ADCY2: variants seen among roughly 807,000 people sequenced by gnomAD.
ADCY2 encodes the protein adenylate cyclase 2, also known as adenylate cyclase type 2.
In ADCY2, 31 loss-of-function variants were observed where a neutral mutation model predicts 125.2. The observed-to-expected ratio is 0.25, with a 90% CI of 0.19 to 0.33. ADCY2 has a LOEUF of 0.33. ADCY2 is among the 10% of genes least tolerant of loss of function. The pLI is 1.00. For missense variants in ADCY2, 904 were observed against 1,418.2 expected (o/e 0.64, Z 5.82); for synonymous variants, 512 against 548.4 (o/e 0.93, Z 0.93).
At chr5:7,738,093 G>A (rs767582334) in intron 14 of ADCY2, among the ~76,000 whole-genome samples, 1 of 152,160 alleles carries the variant, frequency 6.6e-6, no homozygotes, top group Non-Finnish European at 1.5e-5. Context: ...GGAAGGAATG[G>A]AAAGTATTGG....
intron 2 of ADCY2, among the ~76,000 whole-genome samples, chr5:7,471,364 A>G (rs1742329732): frequency 6.6e-6 from 1 of 150,942 alleles, no homozygotes; most frequent in African/African-American, 2.4e-5. Context: ...ATTATTTTTA[A>G]TGATTTAAAA....
At chr5:7,749,207 T>C (rs77733019) in intron 15 of ADCY2, among the ~76,000 whole-genome samples, 5,013 of 152,292 alleles carry the variant, frequency 0.033, 275 homozygotes, top group African/African-American at 0.11. Flanking sequence ...GTTTTTCAGC[T>C]GTTGGTCCCA....
chr5:7,722,025 T>G (rs969467315), intron 12 of ADCY2, among the ~76,000 whole-genome samples: 12 of 152,202 alleles, frequency 7.9e-5, no homozygotes, highest in African/African-American at 2.9e-4. Flanking sequence ...GAATATACAC[T>G]TCTTAATTCT....
intron 3 of ADCY2, among the ~76,000 whole-genome samples, chr5:7,568,455 C>G (rs1214624551): frequency 6.6e-6 from 1 of 151,190 alleles, no homozygotes; most frequent in East Asian, 2.0e-4. Context: ...AGTTATTTCT[C>G]TTGGGTCATG....
chr5:7,417,510 G>A (rs1344764046), intron 2 of ADCY2, among the ~76,000 whole-genome samples: 3 of 152,174 alleles, frequency 2.0e-5, no homozygotes, highest in Non-Finnish European at 4.4e-5. Context: ...CAGAGTGTAA[G>A]TGGCATCAGA....
chr5:7,620,327 C>T (rs1269712976), intron 3 of ADCY2, among the ~76,000 whole-genome samples: 1 of 152,162 alleles, frequency 6.6e-6, no homozygotes, highest in Non-Finnish European at 1.5e-5. Flanking sequence ...ATGTTTGGTT[C>T]CAGTCTTTTA....
chr5:7,764,162 A>G (rs1355223182), intron 16 of ADCY2, among the ~76,000 whole-genome samples: 1 of 152,248 alleles, frequency 6.6e-6, no homozygotes, highest in African/African-American at 2.4e-5. Flanking sequence ...CTTGATGTTT[A>G]TCCATGTGAT....
chr5:7,407,135 C>T (rs1739518146), intron 1 of ADCY2, among the ~76,000 whole-genome samples: 1 of 152,194 alleles, frequency 6.6e-6, no homozygotes, highest in Non-Finnish European at 1.5e-5. Flanking sequence ...CTGTGTGGCC[C>T]ATTGTCAACG....
intron 4 of ADCY2, among the ~76,000 whole-genome samples, chr5:7,642,131 C>T (rs1389585472): frequency 2.6e-5 from 4 of 152,288 alleles, no homozygotes; most frequent in African/African-American, 9.6e-5. Context: ...AACTAATTTA[C>T]ATTTCCACCA....
At chr5:7,687,046 C>A (rs901597187) in intron 4 of ADCY2, among the ~76,000 whole-genome samples, 2 of 152,124 alleles carry the variant, frequency 1.3e-5, no homozygotes, top group Admixed American at 1.3e-4. Context: ...GGCTTGAGTT[C>A]TTTTATTAGG....
chr5:7,695,386 C>T (rs1003324434), intron 5 of ADCY2, among the ~76,000 whole-genome samples: 7 of 152,192 alleles, frequency 4.6e-5, no homozygotes, highest in Non-Finnish European at 5.9e-5. Context: ...AAATTCTGAA[C>T]GTCAGGAAGA....
intron 14 of ADCY2, among the ~76,000 whole-genome samples, chr5:7,739,889 T>A (rs1326034555): frequency 6.6e-6 from 1 of 152,034 alleles, no homozygotes; most frequent in Non-Finnish European, 1.5e-5. Flanking sequence ...ACTGTGCATG[T>A]ATCTATTTAT....
chr5:7,505,615 C>T (rs997825451), intron 2 of ADCY2, among the ~76,000 whole-genome samples: 6 of 152,310 alleles, frequency 3.9e-5, no homozygotes, highest in African/African-American at 1.2e-4. Flanking sequence ...TCGTAGCTCA[C>T]GGATATGCAT....
intron 18 of ADCY2, 142 bp from the exon 19 acceptor site, chr5:7,784,220 AAGG>A (rs1237773027): frequency 1.0e-4 from 62 of 610,306 alleles, no homozygotes; most frequent in Middle Eastern, 6.1e-4. Context: ...CTGGGTTTGG[AAGG>A]AGATTTGAAA....
chr5:7,826,172 C>T (rs1002111661), intron 24 of ADCY2, among the ~76,000 whole-genome samples: 2 of 152,210 alleles, frequency 1.3e-5, no homozygotes, highest in South Asian at 2.1e-4. Flanking sequence ...ACCTGACAGA[C>T]GCGACCATTG....
chr5:7,512,218 C>CAACAAAAAAAAAAA (rs1744088482), intron 2 of ADCY2, among the ~76,000 whole-genome samples: 1 of 57,920 alleles, frequency 1.7e-5, no homozygotes, highest in Non-Finnish European at 2.8e-5. Context: ...ATGACTCCAT[C>CAACAAAAAAAAAAA]AAAAAAAAAA....
intron 2 of ADCY2, among the ~76,000 whole-genome samples, chr5:7,468,931 T>G (rs376612988): frequency 2.5e-4 from 38 of 152,164 alleles, no homozygotes; most frequent in African/African-American, 8.2e-4. Flanking sequence ...TGTAAATTCA[T>G]GCCAAAGCTA....
intron 13 of ADCY2, among the ~76,000 whole-genome samples, chr5:7,726,737 T>A (rs779001435): frequency 2.4e-4 from 36 of 152,320 alleles, no homozygotes; most frequent in Non-Finnish European, 4.6e-4. Flanking sequence ...TAAATGAATA[T>A]GTCTTGCATT....
intron 2 of ADCY2, among the ~76,000 whole-genome samples, chr5:7,465,661 G>A (rs780834921): frequency 1.3e-5 from 2 of 152,140 alleles, no homozygotes; most frequent in Non-Finnish European, 2.9e-5. Flanking sequence ...TTACTGAGGT[G>A]TTACTTATAT....
Sources: allele counts gnomAD v4.1 joint callset (sites outside exome capture counted in the v4.1 genomes callset), GRCh38; gene constraint gnomAD v4.1.1; transcripts MANE v1.5; gene names NCBI Gene and HGNC (gene_info 2026-07-23, HGNC 2026-07-21).